The following WWOX variants were observed in gnomAD, a reference collection of about 807,000 sequenced individuals.
WWOX encodes WW domain-containing oxidoreductase.
WWOX carries 69 observed loss-of-function variants against 46.2 expected under a neutral mutation model. The ratio of observed to expected loss-of-function variants is 1.49; its 90% CI spans 1.23 to 1.82. The LOEUF is 1.82. WWOX is among the 40% of genes most tolerant of loss of function. WWOX has a pLI of 0.00. For synonymous variants in WWOX, 359 were observed against 202.6 expected, an observed-to-expected ratio of 1.77 and a Z score of -6.56; for missense variants, 919 against 542.6, an observed-to-expected ratio of 1.69 and a Z score of -6.89.
At chr16:78,522,050 A>T (rs2043359233) in intron 8 of WWOX, among the ~76,000 whole-genome samples, 1 of 151,682 alleles carries the variant, frequency 6.6e-6, no homozygotes, top group Non-Finnish European at 1.5e-5. Context: ...TAAGTGGGAG[A>T]GCTGTTGCAA....
intron 8 of WWOX, among the ~76,000 whole-genome samples, chr16:78,845,861 G>A (rs979753972): frequency 6.6e-6 from 1 of 152,186 alleles, no homozygotes; most frequent in African/African-American, 2.4e-5. Flanking sequence ...TGAATATTCT[G>A]CACGTCCATT....
intron 5 of WWOX, among the ~76,000 whole-genome samples, chr16:78,299,472 C>G (rs1159796294): frequency 6.6e-6 from 1 of 151,838 alleles, no homozygotes; most frequent in Non-Finnish European, 1.5e-5. Flanking sequence ...TTCTGCACAT[C>G]TGTTGAGCTG....
Position 79,079,122 on chromosome 16 carries a change from T to A in WWOX, c.1057-132486T>A, listed in dbSNP as rs73572945. 3.5e-3 allele frequency among the ~76,000 whole-genome samples: 527 copies of A among 152,386 alleles called. 3 individuals are homozygous for A. The highest frequency in any genetic ancestry group is 0.012 in the African/African-American group (483 of 41,594). ...GTTCATGTAACATCCAAGGTAGCTG[T>A]ACCTAGTTGCAATGCTCTCTTCCAA... On this transcript the variant is annotated intron_variant, in intron 8 of 8. Transcript: ENST00000566780.
At chr16:78,919,497 C>CT (rs1451422115) in intron 8 of WWOX, among the ~76,000 whole-genome samples, 6 of 145,996 alleles carry the variant, frequency 4.1e-5, no homozygotes, top group Non-Finnish European at 6.0e-5. Flanking sequence ...GCTTTCTTCT[C>CT]TTTTTTTTCT....
intron 8 of WWOX, among the ~76,000 whole-genome samples, chr16:79,039,072 T>A (rs936744531): frequency 2.0e-5 from 3 of 152,106 alleles, no homozygotes; most frequent in African/African-American, 7.2e-5. Context: ...AAATTTAACA[T>A]GGATAAACTG....
At chr16:78,660,135 C>T (rs925321528) in intron 8 of WWOX, among the ~76,000 whole-genome samples, 1 of 152,106 alleles carries the variant, frequency 6.6e-6, no homozygotes, top group South Asian at 2.1e-4. Flanking sequence ...TTTCAGAGGG[C>T]CTTTCCCATC....
At chr16:79,023,973 C>G (rs982377387) in intron 8 of WWOX, among the ~76,000 whole-genome samples, 71 of 146,038 alleles carry the variant, frequency 4.9e-4, no homozygotes, top group African/African-American at 1.8e-3. Flanking sequence ...ACAAAAAAAA[C>G]ATTATATTAA....
At chr16:79,074,822 C>G (rs530867166) in intron 8 of WWOX, among the ~76,000 whole-genome samples, 1 of 151,714 alleles carries the variant, frequency 6.6e-6, no homozygotes, top group East Asian at 1.9e-4. Flanking sequence ...ATTCTGAACT[C>G]AGAAAATGGA....
chr16:79,158,212 C>T (rs955089095), intron 8 of WWOX, among the ~76,000 whole-genome samples: 2 of 151,948 alleles, frequency 1.3e-5, no homozygotes, highest in South Asian at 2.1e-4. Flanking sequence ...AAAAATTGGC[C>T]GGGAAGAACT....
chr16:78,785,946 G>T (rs749728631), intron 8 of WWOX, among the ~76,000 whole-genome samples: 1 of 151,782 alleles, frequency 6.6e-6, no homozygotes, highest in African/African-American at 2.4e-5. Flanking sequence ...TCATTCTGTC[G>T]CCCAGGCTGG....
chr16:78,495,510 C>CTTT (rs67618109), intron 8 of WWOX, among the ~76,000 whole-genome samples: 4 of 42,618 alleles, frequency 9.4e-5, no homozygotes, highest in Admixed American at 3.5e-4. Flanking sequence ...AGAAAATGGT[C>CTTT]TTTTTTTTTT....
intron 8 of WWOX, chr16:78,756,954 C>T (rs1433146562): frequency 7.1e-6 from 5 of 702,862 alleles, no homozygotes; most frequent in African/African-American, 5.2e-5. Context: ...AGCCAGCTGC[C>T]ATGTTGGGAG....
chr16:78,395,865 G>T (rs776655076), intron 6 of WWOX, among the ~76,000 whole-genome samples: 1 of 152,072 alleles, frequency 6.6e-6, no homozygotes, highest in Non-Finnish European at 1.5e-5. Flanking sequence ...CGGAGTAAAT[G>T]CTTAGATTCC....
At chr16:78,996,746 A>G (rs541653895) in intron 8 of WWOX, among the ~76,000 whole-genome samples, 1 of 152,208 alleles carries the variant, frequency 6.6e-6, no homozygotes, top group Admixed American at 6.5e-5. Flanking sequence ...TTGCTCTGCA[A>G]TTCTCCCAAC....
At chr16:79,137,757 T>A (rs886958863) in intron 8 of WWOX, among the ~76,000 whole-genome samples, 1 of 151,978 alleles carries the variant, frequency 6.6e-6, no homozygotes, top group Non-Finnish European at 1.5e-5. Flanking sequence ...GCCTGGCCTC[T>A]GTCCCCTCTG....
chr16:79,042,273 T>C (rs2047985985), intron 8 of WWOX, among the ~76,000 whole-genome samples: 2 of 152,324 alleles, frequency 1.3e-5, no homozygotes, highest in South Asian at 4.1e-4. Context: ...TTCCTCACTG[T>C]CTTTTGCATT....
intron 8 of WWOX, among the ~76,000 whole-genome samples, chr16:78,780,697 A>T (rs541369472): frequency 6.6e-6 from 1 of 152,178 alleles, no homozygotes; most frequent in Non-Finnish European, 1.5e-5. Context: ...AGTCTAGGCA[A>T]GGTGAACGGA....
intron 4 of WWOX, among the ~76,000 whole-genome samples, chr16:78,135,468 C>G (rs1265103835): frequency 6.6e-6 from 1 of 152,138 alleles, no homozygotes; most frequent in Non-Finnish European, 1.5e-5. Context: ...CAATTCAAAT[C>G]TTCTAAATTC....
chr16:78,749,333 C>A (rs1195154465), intron 8 of WWOX, among the ~76,000 whole-genome samples: 2 of 152,078 alleles, frequency 1.3e-5, no homozygotes, highest in African/African-American at 2.4e-5. Context: ...AATGGACTTT[C>A]AAGACAGCTG....
Sources: gnomAD v4.1 joint callset for allele counts (sites outside exome capture counted in the v4.1 genomes callset) on GRCh38, gnomAD v4.1.1 for gene constraint, MANE v1.5 for transcripts, NCBI Gene and HGNC (gene_info 2026-07-23, HGNC 2026-07-21) for gene names.